The following CAPG variants were observed in gnomAD, a reference collection of about 807,000 sequenced individuals.
CAPG encodes the protein capping actin protein, gelsolin like, also known as macrophage-capping protein.
CAPG carries 32 observed loss-of-function variants against 44.6 expected under a neutral mutation model. That is an observed-to-expected ratio of 0.72 (90% CI 0.54 to 0.96). The LOEUF is 0.96. Among genes scored for constraint, CAPG ranks in the 50% least tolerant of loss-of-function variants. The probability of loss-of-function intolerance (pLI) is 0.00; values close to 1 mark genes in which losing one functional copy is unlikely to be tolerated. For missense variants in CAPG, 412 were observed against 438.3 expected, an observed-to-expected ratio of 0.94 and a Z score of 0.54; for synonymous variants, 175 against 179.6, an observed-to-expected ratio of 0.97 and a Z score of 0.20.
intron 1 of CAPG, among the ~76,000 whole-genome samples, chr2:85,415,512 AACACTTCTATC>A (rs1687534112): frequency 6.6e-6 from 1 of 152,140 alleles, no homozygotes; most frequent in Admixed American, 6.5e-5. Context: ...CAAGATATAA[AACACTTCTATC>A]ACACCAGAAA....
chr2:85,416,896 A>C (rs932503725), intron 1 of CAPG, among the ~76,000 whole-genome samples: 1 of 152,158 alleles, frequency 6.6e-6, no homozygotes, highest in African/African-American at 2.4e-5. Flanking sequence ...GGATCACCTC[A>C]CAGGCCCTGG....
chr2:85,406,627 G>A (rs1687170898), intron 1 of CAPG, among the ~76,000 whole-genome samples: 1 of 152,154 alleles, frequency 6.6e-6, no homozygotes. Context: ...GGGAGGCCAA[G>A]GCGGGCAGAT....
chr2:85,406,629 C>T lies in CAPG; in HGVS notation c.-14+3688G>A, dbSNP rs951463862. On this transcript the variant is annotated intron_variant, in intron 1 of 9. Transcript: ENST00000263867. ...ATCCCAGCACTTTGGGAGGCCAAGGCGGGCAGATCACCTGAGGTCGGGAGT... is the reference window on the plus strand; with the variant it reads ...ATCCCAGCACTTTGGGAGGCCAAGGTGGGCAGATCACCTGAGGTCGGGAGT... Among the ~76,000 whole-genome samples the T allele has an allele frequency of 4.6e-5, 7 of 152,108 alleles. No homozygotes were observed. The South Asian group carries it at 8.3e-4, about 18-fold the overall frequency.
rs991648546 is a variant in CAPG at position 85,394,774 on chromosome 2, G to A, written c.*119C>T. On this transcript the variant is annotated 3_prime_UTR_variant, in exon 10 of 10. Coordinates refer to ENST00000263867, the MANE Select transcript of CAPG (RefSeq NM_001747.4). ...GTGGTGCAGGAAAAGAGCTGGGAAAGCACTTGTCTCCTTTATTGAACATCT... is the reference window on the plus strand; with the variant it reads ...GTGGTGCAGGAAAAGAGCTGGGAAAACACTTGTCTCCTTTATTGAACATCT... 2 of 774,676 alleles carry A rather than the reference G, an allele frequency of 2.6e-6. No homozygotes were observed. Among genetic ancestry groups the A allele is most frequent in the Non-Finnish European group, 4.7e-6 (2 of 427,214 alleles). The allele number at this position is 774,676 out of a possible 1,614,324, so 48.0% of individuals were successfully genotyped here.
chr2:85,401,873 T>C lies in CAPG; in HGVS notation c.108A>G (p.Gln36=). ...VEKLKPVPVA[Q]ENQGVFFSGD... is the part of the protein sequence containing the mutation. ...CCGAGAAGAAGACGCCCTGGTTCTC[T>C]TGCGCCACAGGCACCGGCTTCAGCT... Residue 36 remains glutamine, a synonymous_variant, in exon 3 of 10, where the codon CAA becomes CAG. Coordinates refer to ENST00000263867, the MANE Select transcript of CAPG (RefSeq NM_001747.4). The C allele has an allele frequency of 1.9e-6, 3 of 1,614,016 alleles. No individual in the cohort carries two copies. Among genetic ancestry groups the C allele is most frequent in the Non-Finnish European group, 2.5e-6 (3 of 1,179,990 alleles).
intron 1 of CAPG, among the ~76,000 whole-genome samples, chr2:85,416,225 C>G (rs1319677739): frequency 2.0e-5 from 3 of 152,142 alleles, no homozygotes; most frequent in Non-Finnish European, 4.4e-5. Context: ...TGCCCATAAA[C>G]TCGGGGTATG....
intron 4 of CAPG, 46 bp from the exon 5 acceptor site, chr2:85,401,375 A>G: frequency 1.9e-6 from 3 of 1,600,164 alleles, no homozygotes; most frequent in Non-Finnish European, 2.6e-6. Flanking sequence ...GGAGACCCAG[A>G]GCCCTCTGCA....
chr2:85,404,623 C>G (rs985952512), intron 1 of CAPG, among the ~76,000 whole-genome samples: 13 of 152,008 alleles, frequency 8.6e-5, no homozygotes, highest in Admixed American at 3.9e-4. Flanking sequence ...TGGCATGCGT[C>G]TGTAATCCCA....
upstream of CAPG, chr2:85,413,312 G>C (rs1330272065): frequency 6.6e-6 from 1 of 152,328 alleles, no homozygotes; most frequent in Non-Finnish European, 1.5e-5. Context: ...GGGCGCAGTG[G>C]CTCACGCCTG....
chr2:85,401,609 G>A lies in CAPG; in HGVS notation c.271C>T (p.Arg91Trp), dbSNP rs375004748. The A allele has an allele frequency of 5.6e-6, 9 of 1,613,958 alleles. No homozygotes were observed. Among genetic ancestry groups the A allele is most frequent in the East Asian group, 2.2e-5 (1 of 44,900 alleles). The change falls in exon 4 of 10, where the codon CGG (arginine) becomes TGG (tryptophan). Residue 91 changes from arginine (R) to tryptophan (W), a missense_variant. Transcript: ENST00000263867. ...TGCACCTCGCGGTGCTGCACAGGCC[G>A]CTCTCCCAGCAGCGTGTTGAGGTGC... is the stretch of plus-strand genomic sequence containing the variant. ...AVHLNTLLGERPVQHREVQGN... is the reference protein window; with the variant it reads ...AVHLNTLLGEWPVQHREVQGN...
chr2:85,406,361 A>G (rs1043448003), intron 1 of CAPG, among the ~76,000 whole-genome samples: 1 of 152,114 alleles, frequency 6.6e-6, no homozygotes, highest in African/African-American at 2.4e-5. Flanking sequence ...AACTTTAACT[A>G]GGCTTCTGAA....
upstream of CAPG, among the ~76,000 whole-genome samples, chr2:85,411,607 C>CT (rs770047830): frequency 2.0e-5 from 3 of 152,234 alleles, no homozygotes; most frequent in Non-Finnish European, 4.4e-5. Context: ...CCGGCCTGTC[C>CT]TGGAAAGGTA....
At position 85,399,174 on chromosome 2, in the gene CAPG, T is replaced by A; in HGVS notation, c.628A>T (p.Ile210Phe). The change falls in exon 6 of 10, where the codon ATT becomes TTT. Residue 210 changes from isoleucine (I) to phenylalanine (F), a missense_variant. Ile to Phe is a conservative substitution (Grantham distance 21). Coordinates refer to ENST00000263867, the MANE Select transcript of CAPG (RefSeq NM_001747.4). ...SERQGKAQVE[I>F]VTDGEEPAEM... Reference sequence around the variant, plus strand: ...GCAGGCTCCTCCCCATCAGTGACAATCTCCACCTGGGCCTTGCCCTGTCGC... The same window carrying A: ...GCAGGCTCCTCCCCATCAGTGACAAACTCCACCTGGGCCTTGCCCTGTCGC... 2 of 1,614,162 alleles carry A rather than the reference T, an allele frequency of 1.2e-6. No individual in the cohort carries two copies. Among genetic ancestry groups the A allele is most frequent in the Non-Finnish European group, 1.7e-6 (2 of 1,179,998 alleles).
chr2:85,397,726 A>AAGAAAGAAAGAAAGAAAGAAAGAAAGAC, intron 8 of CAPG, among the ~76,000 whole-genome samples: 1 of 151,750 alleles, frequency 6.6e-6, no homozygotes, highest in African/African-American at 2.4e-5. Context: ...GAAAGAAAGA[A>AAGAAAGAAAGAAAGAAAGAAAGAAAGAC]AGAAAATAGC....
At chr2:85,394,681 C>T, downstream of CAPG, 2 of 619,358 alleles carry the variant, frequency 3.2e-6, no homozygotes, top group Non-Finnish European at 5.9e-6. Flanking sequence ...CTGTGTGCTA[C>T]TCCACCCCCA....
upstream of CAPG, among the ~76,000 whole-genome samples, chr2:85,414,788 T>A (rs1231493988): frequency 6.6e-6 from 1 of 152,148 alleles, no homozygotes; most frequent in African/African-American, 2.4e-5. Context: ...ACCCTTCTCT[T>A]CTTTATTCAG....
At chr2:85,410,143 G>C (rs1472951447) in intron 1 of CAPG, among the ~76,000 whole-genome samples, 174 bp downstream of exon 1, 1 of 152,258 alleles carries the variant, frequency 6.6e-6, no homozygotes, top group Non-Finnish European at 1.5e-5. Flanking sequence ...CAGGACAGCA[G>C]GCTGGGGGAA....
upstream of CAPG, among the ~76,000 whole-genome samples, chr2:85,413,552 C>T (rs573159003): frequency 6.6e-6 from 1 of 152,228 alleles, no homozygotes; most frequent in Admixed American, 6.5e-5. Flanking sequence ...TGCACTCCAG[C>T]CTGGGCAATA....
chr2:85,404,411 T>C (rs932371168), intron 1 of CAPG, among the ~76,000 whole-genome samples: 2 of 152,162 alleles, frequency 1.3e-5, no homozygotes, highest in Non-Finnish European at 2.9e-5. Context: ...TAAAATTTTT[T>C]CAAGCCTGGG....
Sources: allele counts gnomAD v4.1 joint callset (sites outside exome capture counted in the v4.1 genomes callset), GRCh38; gene constraint gnomAD v4.1.1; transcripts MANE v1.5; gene names NCBI Gene and HGNC (gene_info 2026-07-23, HGNC 2026-07-21).